THSD7B: variants seen among roughly 807,000 people sequenced by gnomAD.
THSD7B encodes thrombospondin type-1 domain-containing protein 7B.
THSD7B carries 138 observed loss-of-function variants against 213.6 expected under a neutral mutation model. That is an observed-to-expected ratio of 0.65 (90% confidence interval 0.56 to 0.74). THSD7B has a LOEUF of 0.74. THSD7B is among the 30% of genes least tolerant of loss of function. The pLI is 0.00. For synonymous variants in THSD7B, 742 were observed against 687.0 expected (o/e 1.08, Z -1.25); for missense variants, 1,931 against 1,991.5 (o/e 0.97, Z 0.58).
intron 12 of THSD7B, among the ~76,000 whole-genome samples, chr2:137,339,649 C>G (rs1684715358): frequency 6.6e-6 from 1 of 151,624 alleles, no homozygotes; most frequent in Non-Finnish European, 1.5e-5. Context: ...TGGTCATCAT[C>G]ATGTGACTCT....
At chr2:137,308,581 A>ATT (rs1319869314) in intron 12 of THSD7B, among the ~76,000 whole-genome samples, 1 of 151,978 alleles carries the variant, frequency 6.6e-6, no homozygotes, top group Non-Finnish European at 1.5e-5. Context: ...ACAAGCAACA[A>ATT]TTTTTTGTTT....
intron 1 of THSD7B, among the ~76,000 whole-genome samples, chr2:136,798,424 A>G (rs1165652715): frequency 6.6e-6 from 1 of 151,952 alleles, no homozygotes; most frequent in African/African-American, 2.4e-5. Context: ...GAAGGGAGCG[A>G]TTATGATGGG....
At chr2:137,297,303 G>T (rs6743477) in intron 12 of THSD7B, among the ~76,000 whole-genome samples, 1 of 149,838 alleles carries the variant, frequency 6.7e-6, no homozygotes, top group Non-Finnish European at 1.5e-5. Flanking sequence ...GAAAGAAAAG[G>T]AAAAAGGAAA....
At chr2:136,933,898 A>ATG (rs1278480696) in intron 2 of THSD7B, among the ~76,000 whole-genome samples, 1 of 152,214 alleles carries the variant, frequency 6.6e-6, no homozygotes, top group African/African-American at 2.4e-5. Flanking sequence ...GTGTAAAACC[A>ATG]CACAGATCTT....
Position 137,616,396 on chromosome 2 carries a change from A to C in THSD7B, c.3565+80A>C, listed in dbSNP as rs1682387677. On this transcript the variant is annotated intron_variant, in intron 18 of 27. Transcript: ENST00000409968. The stretch of plus-strand genomic sequence containing the variant: ...AATTTTTGCGTGGGTTTTCATTCTC[A>C]AGATTAAGAATGGAGAGTAGAATGT... The C allele has an allele frequency of 3.1e-6, 4 of 1,292,264 alleles. No individual in the cohort carries two copies. In the Admixed American group the frequency reaches 7.5e-5, roughly 24 times the overall value. The allele number at this position is 1,292,264 out of a possible 1,614,324, so 80.0% of individuals were successfully genotyped here.
rs72983542 is a variant in THSD7B, at chr2:136,981,110, T to G, written c.140-75310T>G. On this transcript the variant is annotated intron_variant, in intron 2 of 27. Coordinates refer to ENST00000409968, the MANE Select transcript of THSD7B (RefSeq NM_001316349.2). Reference sequence around the variant, plus strand: ...TATAAAAACTTTTTATACATTATAGTTTGTATTGGGATATTTGTAAAAGAG... The same window carrying G: ...TATAAAAACTTTTTATACATTATAGGTTGTATTGGGATATTTGTAAAAGAG... Among the ~76,000 whole-genome samples the G allele has an allele frequency of 8.7e-3, 1,319 of 152,248 alleles. 28 individuals carry two copies. The highest frequency in any genetic ancestry group is 0.031 in the African/African-American group (1,277 of 41,548).
intron 12 of THSD7B, among the ~76,000 whole-genome samples, chr2:137,349,872 A>C (rs1453060941): frequency 6.6e-6 from 1 of 151,856 alleles, no homozygotes; most frequent in Non-Finnish European, 1.5e-5. Flanking sequence ...AAAGGTATCT[A>C]TCTTGCCTCC....
intron 5 of THSD7B, among the ~76,000 whole-genome samples, chr2:137,150,881 A>C (rs2104974479): frequency 6.6e-6 from 1 of 152,314 alleles, no homozygotes; most frequent in South Asian, 2.1e-4. Context: ...GGCAATTATA[A>C]CACAGTGGTA....
chr2:137,450,894 A>G lies in THSD7B; in HGVS notation c.3009A>G (p.Leu1003=). ...CVIPCPFDCK[L]SDWSSWGSCS... ...TTCCCTGCCCATTTGATTGCAAGTT[A>G]AGCGATTGGTCTAGTTGGGGGTCTT... The change falls in exon 15 of 28, where the codon TTA becomes TTG. Residue 1003 remains leucine (L), a synonymous_variant. Coordinates refer to ENST00000409968, the MANE Select transcript of THSD7B (RefSeq NM_001316349.2). 1 of 1,612,258 alleles carries G rather than the reference A, an allele frequency of 6.2e-7. No homozygotes were observed. Among genetic ancestry groups the G allele is most frequent in the African/African-American group, 1.3e-5 (1 of 74,952 alleles).
intron 2 of THSD7B, among the ~76,000 whole-genome samples, chr2:136,962,482 A>G (rs7585573): frequency 0.075 from 10,552 of 139,860 alleles, 607 homozygotes; most frequent in African/African-American, 0.16. Context: ...GCATGGGAAT[A>G]GGCAGAGTCG....
At chr2:137,175,194 C>T (rs1042823249) in intron 7 of THSD7B, among the ~76,000 whole-genome samples, 4 of 150,860 alleles carry the variant, frequency 2.7e-5, no homozygotes, top group Admixed American at 1.3e-4. Flanking sequence ...TGGATAAACA[C>T]CTGTCTGCCT....
chr2:137,424,534 G>T (rs1006559873), intron 14 of THSD7B, among the ~76,000 whole-genome samples: 2 of 152,086 alleles, frequency 1.3e-5, no homozygotes, highest in Admixed American at 6.6e-5. Context: ...CATATACAAA[G>T]ATTAAGTGAG....
intron 5 of THSD7B, among the ~76,000 whole-genome samples, chr2:137,135,026 G>C (rs1224762431): frequency 6.6e-6 from 1 of 152,074 alleles, no homozygotes; most frequent in Non-Finnish European, 1.5e-5. Context: ...CTAAGATAAG[G>C]CTGATACTAA....
At chr2:137,402,815 C>CAAAAA (rs34623127) in intron 12 of THSD7B, among the ~76,000 whole-genome samples, 1 of 83,202 alleles carries the variant, frequency 1.2e-5, no homozygotes, top group African/African-American at 4.4e-5. Flanking sequence ...AACTCCATCT[C>CAAAAA]AAAAAAAAAA....
At chr2:137,278,747 T>C (rs1273578703) in intron 12 of THSD7B, among the ~76,000 whole-genome samples, 3 of 152,000 alleles carry the variant, frequency 2.0e-5, no homozygotes, top group Admixed American at 1.3e-4. Context: ...ATAGAAAGAA[T>C]AGAGGACCTG....
chr2:137,424,592 A>C (rs573462510), intron 14 of THSD7B, among the ~76,000 whole-genome samples: 1 of 152,326 alleles, frequency 6.6e-6, no homozygotes, highest in African/African-American at 2.4e-5. Context: ...AAGTCAACAA[A>C]TGTAATACAT....
intron 2 of THSD7B, among the ~76,000 whole-genome samples, chr2:136,987,738 A>G (rs1685695129): frequency 6.6e-6 from 1 of 152,184 alleles, no homozygotes; most frequent in Admixed American, 6.5e-5. Context: ...CATTTGGTCA[A>G]GTGCCAAAGA....
chr2:137,191,728 TA>T (rs1439014440), intron 7 of THSD7B, among the ~76,000 whole-genome samples: 2 of 152,030 alleles, frequency 1.3e-5, no homozygotes, highest in African/African-American at 4.8e-5. Flanking sequence ...TTTGTTTGAG[TA>T]TCCTCAAATG....
chr2:136,983,502 GTTT>G (rs35564943), intron 2 of THSD7B, among the ~76,000 whole-genome samples: 18 of 127,918 alleles, frequency 1.4e-4, no homozygotes, highest in East Asian at 3.1e-4. Context: ...AGTAAAATCT[GTTT>G]TTTTTTTTTT....
Sources: gnomAD v4.1 joint callset for allele counts (sites outside exome capture counted in the v4.1 genomes callset) on GRCh38, gnomAD v4.1.1 for gene constraint, MANE v1.5 for transcripts, NCBI Gene and HGNC (gene_info 2026-07-23, HGNC 2026-07-21) for gene names.